PTPRD: variants seen among roughly 807,000 people sequenced by gnomAD.
The protein encoded by PTPRD is protein tyrosine phosphatase receptor type D.
In PTPRD, 34 loss-of-function variants were observed where a neutral mutation model predicts 214.5. That is an observed-to-expected ratio of 0.16 (90% CI 0.12 to 0.21). The LOEUF is 0.21. Ranked by LOEUF, PTPRD falls within the 10% of genes least tolerant of loss-of-function variation. The pLI, the probability that PTPRD is intolerant of heterozygous loss-of-function variation, is 1.00. For missense variants in PTPRD, 2,545 were observed against 2,398.7 expected, an observed-to-expected ratio of 1.06 and a Z score of -1.27; for synonymous variants, 1,128 against 845.7, an observed-to-expected ratio of 1.33 and a Z score of -5.79.
At chr9:9,380,646 A>AT (rs1431852079) in intron 9 of PTPRD, among the ~76,000 whole-genome samples, 2 of 151,902 alleles carry the variant, frequency 1.3e-5, no homozygotes, top group African/African-American at 4.8e-5. Flanking sequence ...TTTGAGAAGA[A>AT]TTTTTTTTGC....
At chr9:9,860,382 T>C (rs2062462948) in intron 5 of PTPRD, among the ~76,000 whole-genome samples, 1 of 152,260 alleles carries the variant, frequency 6.6e-6, no homozygotes. Flanking sequence ...AAATGTTTGG[T>C]TGTCTGCATA....
At chr9:10,052,596 A>G (rs1334890166) in intron 3 of PTPRD, among the ~76,000 whole-genome samples, 1 of 152,150 alleles carries the variant, frequency 6.6e-6, no homozygotes, top group African/African-American at 2.4e-5. Flanking sequence ...AAAACACATG[A>G]GATGGTTATT....
chr9:8,487,876 G>A (rs2097062817), intron 27 of PTPRD, among the ~76,000 whole-genome samples: 1 of 151,814 alleles, frequency 6.6e-6, no homozygotes, highest in Non-Finnish European at 1.5e-5. Context: ...CTCTACGGGG[G>A]GAGGGGGGAA....
In PTPRD at chr9:9,858,628, C is replaced by A. The variant is rs12378892; in HGVS notation, c.-368+79879G>T. ...TAGCCATTGGTCCGTGTCTCAGTTT[C>A]TTAATTATTAGTATAGGTAAACAAA... On this transcript the variant is annotated intron_variant, in intron 5 of 45. Coordinates refer to ENST00000381196, the MANE Select transcript of PTPRD (RefSeq NM_002839.4). Among the ~76,000 whole-genome samples, 5 of 152,170 alleles carry A rather than the reference C, an allele frequency of 3.3e-5. No homozygotes were observed. The South Asian group carries it at 1.0e-3, about 32-fold the overall frequency.
chr9:8,602,427 A>C (rs915963485), intron 14 of PTPRD, among the ~76,000 whole-genome samples: 1 of 152,224 alleles, frequency 6.6e-6, no homozygotes, highest in Admixed American at 6.5e-5. Context: ...TTGCCACATG[A>C]TATAAACTTA....
intron 31 of PTPRD, among the ~76,000 whole-genome samples, chr9:8,468,762 G>C (rs532221456): frequency 8.9e-4 from 107 of 120,446 alleles, no homozygotes; most frequent in African/African-American, 3.2e-3. Context: ...TCAAGCTATA[G>C]ATAAAATTAC....
At chr9:9,302,283 A>C (rs945260232) in intron 9 of PTPRD, among the ~76,000 whole-genome samples, 6 of 151,972 alleles carry the variant, frequency 3.9e-5, no homozygotes, top group Middle Eastern at 3.4e-3. Context: ...TCCTTTTGGC[A>C]AGTTAGGAAA....
At chr9:9,275,144 TA>T (rs1944837418) in intron 9 of PTPRD, among the ~76,000 whole-genome samples, 1 of 66,742 alleles carries the variant, frequency 1.5e-5, no homozygotes, top group Non-Finnish European at 2.5e-5. Flanking sequence ...ATAATATATA[TA>T]TAATATATTA....
chr9:8,518,471 C>A (rs1239737108), intron 20 of PTPRD, 42 bp from the exon 21 acceptor site: 2 of 1,333,992 alleles, frequency 1.5e-6, no homozygotes, highest in Non-Finnish European at 2.1e-6. Flanking sequence ...ACCCATCATC[C>A]CTATAATATT....
At chr9:10,065,836 A>T (rs148500560) in intron 3 of PTPRD, among the ~76,000 whole-genome samples, 143 of 152,042 alleles carry the variant, frequency 9.4e-4, no homozygotes, top group African/African-American at 3.3e-3. Flanking sequence ...ATGACCAGTT[A>T]TACTGGGGGG....
intron 11 of PTPRD, among the ~76,000 whole-genome samples, chr9:8,801,536 G>C (rs910919546): frequency 2.0e-5 from 3 of 152,068 alleles, no homozygotes; most frequent in Non-Finnish European, 2.9e-5. Flanking sequence ...GACCAACAGG[G>C]AGAAACCCCG....
intron 2 of PTPRD, among the ~76,000 whole-genome samples, chr9:10,429,632 C>T (rs544428588): frequency 5.8e-4 from 87 of 150,910 alleles, no homozygotes; most frequent in African/African-American, 2.0e-3. Flanking sequence ...AAAATGTGTT[C>T]ACATAGGCAT....
At chr9:10,034,463 GT>G (rs2097141795) in intron 3 of PTPRD, among the ~76,000 whole-genome samples, 1 of 135,762 alleles carries the variant, frequency 7.4e-6, no homozygotes, top group Admixed American at 7.9e-5. Context: ...TACATGTGCA[GT>G]TTTGTTACAT....
chr9:8,681,628 G>C (rs900681206), intron 12 of PTPRD, among the ~76,000 whole-genome samples: 4 of 152,190 alleles, frequency 2.6e-5, no homozygotes, highest in Admixed American at 1.3e-4. Context: ...AGCAGCAGAA[G>C]AAAGTGGTGG....
intron 39 of PTPRD, among the ~76,000 whole-genome samples, chr9:8,356,486 C>G (rs1468283948): frequency 3.3e-5 from 5 of 152,256 alleles, no homozygotes; most frequent in Non-Finnish European, 2.9e-5. Context: ...TAAATGCAGT[C>G]TAGTTCATGC....
intron 4 of PTPRD, among the ~76,000 whole-genome samples, chr9:10,015,469 A>G (rs149385813): frequency 1.3e-5 from 2 of 152,266 alleles, no homozygotes; most frequent in Non-Finnish European, 2.9e-5. Flanking sequence ...GGGAACAATT[A>G]AAGGTGAAGT....
chr9:8,356,967 A>C (rs577038865), intron 39 of PTPRD, among the ~76,000 whole-genome samples: 1 of 152,202 alleles, frequency 6.6e-6, no homozygotes, highest in African/African-American at 2.4e-5. Flanking sequence ...GAGTGGCAGC[A>C]TCTGAAAATC....
chr9:10,336,191 G>C (rs2096841155), intron 3 of PTPRD, among the ~76,000 whole-genome samples: 1 of 151,678 alleles, frequency 6.6e-6, no homozygotes, highest in African/African-American at 2.4e-5. Flanking sequence ...TAATAAATGT[G>C]AATACTAAAA....
intron 11 of PTPRD, among the ~76,000 whole-genome samples, chr9:8,754,263 T>A (rs1316156550): frequency 6.6e-6 from 1 of 152,342 alleles, no homozygotes; most frequent in Non-Finnish European, 1.5e-5. Context: ...ACTAATTTTA[T>A]AATTTATAAG....
Sources: gnomAD v4.1 joint callset for allele counts (sites outside exome capture counted in the v4.1 genomes callset) on GRCh38, gnomAD v4.1.1 for gene constraint, MANE v1.5 for transcripts, NCBI Gene and HGNC (gene_info 2026-07-23, HGNC 2026-07-21) for gene names.